Variants in DNAJC3 observed in about 807,000 individuals in gnomAD.
DNAJC3 encodes the protein DnaJ heat shock protein family (Hsp40) member C3, also known as dnaJ homolog subfamily C member 3.
DNAJC3 carries 38 observed loss-of-function variants against 68.6 expected under a neutral mutation model. That is an observed-to-expected ratio of 0.55 (90% CI 0.43 to 0.73). The LOEUF (loss-of-function observed/expected upper bound fraction) is 0.73, where lower values mean the gene tolerates loss of function less well. DNAJC3 is among the 30% of genes least tolerant of loss of function. DNAJC3 has a pLI of 0.00. For synonymous variants in DNAJC3, 203 were observed against 204.0 expected, an observed-to-expected ratio of 1.00 and a Z score of 0.04; for missense variants, 526 against 591.9, an observed-to-expected ratio of 0.89 and a Z score of 1.16.
chr13:95,709,276 C>G lies in DNAJC3; in HGVS notation c.132C>G (p.Gly44=). 6.3e-7 allele frequency: 1 copy of G among 1,587,508 alleles called. No individual in the cohort carries two copies. Among genetic ancestry groups the G allele is most frequent in the South Asian group, 1.2e-5 (1 of 85,234 alleles). ...ATGTTGAGAAACATCTTGAATTGGG[C>G]AAGAAATTACTTGCAGCTGGACAGC... The part of the protein sequence containing the change: ...NADVEKHLEL[G]KKLLAAGQLA... Residue 44 remains glycine, a synonymous_variant, in exon 2 of 12, where the codon GGC becomes GGG. Coordinates refer to ENST00000602402, the MANE Select transcript of DNAJC3 (RefSeq NM_006260.5).
intron 1 of DNAJC3, among the ~76,000 whole-genome samples, chr13:95,699,737 G>GAAAT (rs1880536476): frequency 6.6e-6 from 1 of 152,156 alleles, no homozygotes; most frequent in Admixed American, 6.5e-5. Context: ...ATGATTTAGT[G>GAAAT]AAATAAAGAT....
chr13:95,715,313 G>A (rs1302196372), intron 2 of DNAJC3, among the ~76,000 whole-genome samples: 1 of 152,160 alleles, frequency 6.6e-6, no homozygotes, highest in Non-Finnish European at 1.5e-5. Context: ...TGAGGTGGAA[G>A]GATTGCCTGA....
intron 9 of DNAJC3, among the ~76,000 whole-genome samples, chr13:95,772,559 C>A (rs1025444541): frequency 6.6e-6 from 1 of 152,062 alleles, no homozygotes; most frequent in Non-Finnish European, 1.5e-5. Flanking sequence ...TTAGTTTTAT[C>A]CATTTTGGTG....
intron 4 of DNAJC3, among the ~76,000 whole-genome samples, chr13:95,740,930 T>C (rs1303687747): frequency 1.3e-5 from 2 of 152,224 alleles, no homozygotes; most frequent in Admixed American, 1.3e-4. Flanking sequence ...TGTATCTCTT[T>C]TATACATTTT....
At chr13:95,691,434 T>G (rs1291168160) in intron 1 of DNAJC3, among the ~76,000 whole-genome samples, 4 of 131,176 alleles carry the variant, frequency 3.0e-5, no homozygotes, top group Admixed American at 7.7e-5. Flanking sequence ...AGGGCAGAGG[T>G]GCTCCTCACA....
intron 1 of DNAJC3, among the ~76,000 whole-genome samples, chr13:95,690,624 C>G (rs1205600132): frequency 2.7e-5 from 4 of 149,304 alleles, no homozygotes; most frequent in Non-Finnish European, 6.0e-5. Context: ...GCTGACCCCC[C>G]CACCTCCCTC....
chr13:95,786,755 G>T (rs1198274100), intron 10 of DNAJC3, among the ~76,000 whole-genome samples: 1 of 152,074 alleles, frequency 6.6e-6, no homozygotes, highest in African/African-American at 2.4e-5. Flanking sequence ...TTTTAAAAAA[G>T]GGAAAGTTCT....
chr13:95,739,587 C>T (rs1446190501), intron 4 of DNAJC3, among the ~76,000 whole-genome samples: 1 of 152,202 alleles, frequency 6.6e-6, no homozygotes, highest in Non-Finnish European at 1.5e-5. Context: ...TCTTCCATCG[C>T]TGATACCCTT....
At chr13:95,750,283 A>AC (rs1162459424) in intron 4 of DNAJC3, among the ~76,000 whole-genome samples, 1 of 151,052 alleles carries the variant, frequency 6.6e-6, no homozygotes. Flanking sequence ...AAAAAAAAAA[A>AC]ACCCAGAAAA....
At position 95,794,673 on chromosome 13, in the gene DNAJC3, AGCCACTGCGTG is replaced by A. The variant is rs1403426579; in HGVS notation, c.*3646_*3656del. ...GAATGATTGATTTAAGAGTAAAATT[AGCCACTGCGTG>A]GCTTTGTGTATAGTAACCGGTTTTG... On this transcript the variant is annotated 3_prime_UTR_variant, in exon 12 of 12. Transcript: ENST00000602402. The A allele has an allele frequency of 6.6e-6, 1 of 152,236 alleles. No individual in the cohort carries two copies. The highest frequency in any genetic ancestry group is 2.4e-5 in the African/African-American group (1 of 41,468). The allele number at this position is 152,236 out of a possible 1,614,324, so 9.4% of individuals were successfully genotyped here. A position where few individuals can be genotyped will look rare whatever the true frequency, so the allele number is the denominator to read the frequency against.
At chr13:95,716,467 T>TGAG (rs1370442848) in intron 2 of DNAJC3, among the ~76,000 whole-genome samples, 1 of 152,208 alleles carries the variant, frequency 6.6e-6, no homozygotes, top group Non-Finnish European at 1.5e-5. Context: ...GTAGACCCTC[T>TGAG]CCCTTATTGC....
chr13:95,793,482 C>CTTTTTTTTTT lies in DNAJC3; in HGVS notation c.*2468_*2477dup, dbSNP rs1002199198. ...TTGGGGACTACAGGTGCCAGGTAACCTTTTTTTTTTTTTTTTTTTTTTTTT... is the reference window on the plus strand; with the variant it reads ...TTGGGGACTACAGGTGCCAGGTAACCTTTTTTTTTTTTTTTTTTTTTTTTTTTTTTTTTTT... On this transcript the variant is annotated 3_prime_UTR_variant, in exon 12 of 12. Coordinates refer to ENST00000602402, the MANE Select transcript of DNAJC3 (RefSeq NM_006260.5). 1.0e-5 allele frequency: 1 copy of CTTTTTTTTTT among 96,234 alleles called. No homozygotes were observed. The highest frequency in any genetic ancestry group is 2.0e-5 in the Non-Finnish European group (1 of 50,572). The allele number at this position is 96,234 out of a possible 1,614,324, so 6.0% of individuals were successfully genotyped here. A position where few individuals can be genotyped will look rare whatever the true frequency, so the allele number is the denominator to read the frequency against.
At chr13:95,694,981 A>C (rs917777986) in intron 1 of DNAJC3, 1 of 152,554 alleles carries the variant, frequency 6.6e-6, no homozygotes, top group Admixed American at 6.5e-5. Flanking sequence ...ATGAGGCCAA[A>C]TATCATTCTG....
chr13:95,721,829 C>T (rs1881332186), intron 2 of DNAJC3, among the ~76,000 whole-genome samples: 1 of 152,072 alleles, frequency 6.6e-6, no homozygotes. Context: ...TTCTGACCCA[C>T]CTTCCCCTGG....
rs573343160 is a variant in DNAJC3, at chr13:95,792,909, CAT to C, written c.*1881_*1882del. On this transcript the variant is annotated 3_prime_UTR_variant, in exon 12 of 12. Transcript: ENST00000602402. Reference sequence around the variant, plus strand: ...TTACCTACTTTGAAAAGAATTTTCACATAGAGTCAGAAAAAAAAGGAAATATC... The same window carrying C: ...TTACCTACTTTGAAAAGAATTTTCACAGAGTCAGAAAAAAAAGGAAATATC... 13 of 152,116 alleles carry C rather than the reference CAT, an allele frequency of 8.5e-5. No homozygotes were observed. The highest frequency in any genetic ancestry group is 2.1e-4 in the South Asian group (1 of 4,826). The allele number at this position is 152,116 out of a possible 1,614,324, so 9.4% of individuals were successfully genotyped here. A position where few individuals can be genotyped will look rare whatever the true frequency, so the allele number is the denominator to read the frequency against.
At position 95,760,159 on chromosome 13, in the gene DNAJC3, T is replaced by C. The variant is rs1418335784; in HGVS notation, c.666T>C (p.Thr222=). 1 of 1,612,200 alleles carries C rather than the reference T, an allele frequency of 6.2e-7. No homozygotes were observed. Among genetic ancestry groups the C allele is most frequent in the African/African-American group, 1.3e-5 (1 of 74,894 alleles). The change falls in exon 6 of 12, where the codon ACT becomes ACC. Residue 222 remains threonine, a synonymous_variant. Transcript: ENST00000602402. ...KAASKLKNDN[T]EAFYKISTLY... is the part of the protein sequence containing the mutation. ...CGTCAAAGTTGAAGAATGATAATAC[T>C]GAAGCGTTTTATAAAATAAGCACAC...
At chr13:95,724,437 G>A (rs376532671) in intron 3 of DNAJC3, among the ~76,000 whole-genome samples, 5 of 152,290 alleles carry the variant, frequency 3.3e-5, no homozygotes, top group African/African-American at 1.2e-4. Flanking sequence ...AGAAACTGGT[G>A]CATGTTAGAA....
Position 95,793,156 on chromosome 13 carries a change from T to C in DNAJC3, c.*2126T>C, listed in dbSNP as rs1036944242. 1 of 152,252 alleles carries C rather than the reference T, an allele frequency of 6.6e-6. No individual in the cohort carries two copies. The highest frequency in any genetic ancestry group is 2.4e-5 in the African/African-American group (1 of 41,464). The allele number at this position is 152,252 out of a possible 1,614,324, so 9.4% of individuals were successfully genotyped here. A position where few individuals can be genotyped will look rare whatever the true frequency, so the allele number is the denominator to read the frequency against. On this transcript the variant is annotated 3_prime_UTR_variant, in exon 12 of 12. Transcript: ENST00000602402. Reference sequence around the variant, plus strand: ...CTTAACTGACCTGCAGTTACTTGCCTGTTTTCAGTGAAGAGAGAGAAGCAG... The same window carrying C: ...CTTAACTGACCTGCAGTTACTTGCCCGTTTTCAGTGAAGAGAGAGAAGCAG...
At chr13:95,766,301 T>G (rs1274300506) in intron 9 of DNAJC3, among the ~76,000 whole-genome samples, 1 of 152,182 alleles carries the variant, frequency 6.6e-6, no homozygotes, top group Non-Finnish European at 1.5e-5. Flanking sequence ...TTCCACTCAA[T>G]AGAAAGCAAG....
Sources: allele counts gnomAD v4.1 joint callset (sites outside exome capture counted in the v4.1 genomes callset), GRCh38; gene constraint gnomAD v4.1.1; transcripts MANE v1.5; gene names NCBI Gene and HGNC (gene_info 2026-07-23, HGNC 2026-07-21).